MBNL1: variants seen among roughly 807,000 people sequenced by gnomAD.
MBNL1 encodes muscleblind like splicing regulator 1.
A neutral mutation model predicts 42.2 loss-of-function variants in MBNL1; 8 were observed. The ratio of observed to expected loss-of-function variants is 0.19; its 90% CI spans 0.11 to 0.34. The LOEUF (loss-of-function observed/expected upper bound fraction) is 0.34. Ranked by LOEUF, MBNL1 falls within the 10% of genes least tolerant of loss-of-function variation. MBNL1 has a pLI of 1.00. For synonymous variants in MBNL1, 169 were observed against 173.9 expected (o/e 0.97, Z 0.22); for missense variants, 309 against 495.3 (o/e 0.62, Z 3.57).
chr3:152,399,787 G>C (rs1366706957), intron 2 of MBNL1, among the ~76,000 whole-genome samples: 1 of 152,136 alleles, frequency 6.6e-6, no homozygotes, highest in Non-Finnish European at 1.5e-5. Context: ...ACAGGCATGA[G>C]CCACTGCACC....
chr3:152,306,830 C>T (rs2063399125), intron 2 of MBNL1, among the ~76,000 whole-genome samples: 1 of 152,076 alleles, frequency 6.6e-6, no homozygotes, highest in Non-Finnish European at 1.5e-5. Flanking sequence ...GAAGAGATAC[C>T]ACTTTTGAAG....
chr3:152,311,228 C>T (rs2152045188), intron 2 of MBNL1, among the ~76,000 whole-genome samples: 1 of 152,142 alleles, frequency 6.6e-6, no homozygotes, highest in African/African-American at 2.4e-5. Flanking sequence ...AGGCTGGTAT[C>T]AAACTCCTGA....
At chr3:152,264,919 T>C (rs926344596), upstream of MBNL1, 4 of 152,012 alleles carry the variant, frequency 2.6e-5, no homozygotes, top group Non-Finnish European at 5.9e-5. Context: ...ATATATCAAA[T>C]ATATACATAG....
intron 2 of MBNL1, among the ~76,000 whole-genome samples, chr3:152,312,342 G>A (rs2067226831): frequency 6.6e-6 from 1 of 152,176 alleles, no homozygotes; most frequent in Non-Finnish European, 1.5e-5. Flanking sequence ...CCAATAGCTA[G>A]TGTTATAAGT....
intron 2 of MBNL1, among the ~76,000 whole-genome samples, chr3:152,408,149 C>CA (rs1404614026): frequency 1.3e-5 from 2 of 151,756 alleles, no homozygotes; most frequent in Non-Finnish European, 2.9e-5. Flanking sequence ...GAACTTAAAA[C>CA]AAAAAACAAT....
intron 2 of MBNL1, among the ~76,000 whole-genome samples, chr3:152,408,342 A>AT (rs1308471168): frequency 6.6e-6 from 1 of 152,140 alleles, no homozygotes; most frequent in African/African-American, 2.4e-5. Flanking sequence ...TTTTCAAAGA[A>AT]AAAAATGAAT....
At chr3:152,304,146 A>G (rs139656323) in intron 2 of MBNL1, among the ~76,000 whole-genome samples, 2 of 152,256 alleles carry the variant, frequency 1.3e-5, no homozygotes, top group African/African-American at 4.8e-5. Context: ...AAGGCACACA[A>G]ATATATGTAC....
chr3:152,427,953 C>T (rs1400344703), intron 3 of MBNL1, among the ~76,000 whole-genome samples: 2 of 151,268 alleles, frequency 1.3e-5, no homozygotes, highest in African/African-American at 4.9e-5. Context: ...GCAAAACAAA[C>T]AGTGTTCACA....
chr3:152,343,942 A>C (rs901379553), intron 2 of MBNL1, among the ~76,000 whole-genome samples: 1 of 152,112 alleles, frequency 6.6e-6, no homozygotes, highest in Admixed American at 6.6e-5. Context: ...TTCCCTTATA[A>C]ATAAGTTATT....
At chr3:152,423,790 A>G (rs547810382) in intron 3 of MBNL1, among the ~76,000 whole-genome samples, 1 of 152,372 alleles carries the variant, frequency 6.6e-6, no homozygotes, top group South Asian at 2.1e-4. Context: ...ATGGAAATCA[A>G]TAAACATAAT....
chr3:152,460,541 C>T (rs1743617810), intron 9 of MBNL1, among the ~76,000 whole-genome samples: 2 of 150,528 alleles, frequency 1.3e-5, no homozygotes, highest in Non-Finnish European at 3.0e-5. Context: ...GTGCAGCGCA[C>T]CAGCATGGCA....
intron 2 of MBNL1, among the ~76,000 whole-genome samples, chr3:152,383,482 G>T (rs2097270790): frequency 6.6e-6 from 1 of 151,916 alleles, no homozygotes; most frequent in African/African-American, 2.4e-5. Context: ...TGAAAACCTT[G>T]GTTATAGAGA....
At chr3:152,389,582 T>C (rs972116017) in intron 2 of MBNL1, among the ~76,000 whole-genome samples, 1 of 152,192 alleles carries the variant, frequency 6.6e-6, no homozygotes, top group Non-Finnish European at 1.5e-5. Context: ...GTAACTGTAC[T>C]GAATACCAAG....
chr3:152,441,500 A>G (rs1407449491), intron 4 of MBNL1, among the ~76,000 whole-genome samples: 3 of 152,236 alleles, frequency 2.0e-5, no homozygotes, highest in East Asian at 3.9e-4. Flanking sequence ...TCCAAACCCT[A>G]TTGTCTGTCC....
chr3:152,318,127 A>T (rs2073455827), intron 2 of MBNL1, among the ~76,000 whole-genome samples: 1 of 152,194 alleles, frequency 6.6e-6, no homozygotes, highest in African/African-American at 2.4e-5. Flanking sequence ...TCAAGCAAGC[A>T]ATTTTCCAGA....
intron 2 of MBNL1, among the ~76,000 whole-genome samples, chr3:152,347,171 G>C (rs769821593): frequency 2.6e-5 from 4 of 152,010 alleles, no homozygotes; most frequent in Non-Finnish European, 4.4e-5. Flanking sequence ...TATAACAATA[G>C]AACAGCCAAC....
intron 2 of MBNL1, among the ~76,000 whole-genome samples, chr3:152,387,561 A>G (rs2097502542): frequency 6.6e-6 from 1 of 152,174 alleles, no homozygotes; most frequent in South Asian, 2.1e-4. Context: ...TCACTGTTGC[A>G]TAAATTCTGT....
chr3:152,414,196 G>A (rs906308213), intron 2 of MBNL1, among the ~76,000 whole-genome samples: 1 of 152,210 alleles, frequency 6.6e-6, no homozygotes, highest in Non-Finnish European at 1.5e-5. Context: ...GCCATTCCTG[G>A]CTTATAGCAA....
chr3:152,413,246 A>G (rs1052746473), intron 2 of MBNL1, among the ~76,000 whole-genome samples: 3 of 152,224 alleles, frequency 2.0e-5, no homozygotes, highest in African/African-American at 7.2e-5. Flanking sequence ...ACCAATAGCC[A>G]TAACTAAAAG....
Sources: allele counts gnomAD v4.1 joint callset (sites outside exome capture counted in the v4.1 genomes callset), GRCh38; gene constraint gnomAD v4.1.1; transcripts MANE v1.5; gene names NCBI Gene and HGNC (gene_info 2026-07-23, HGNC 2026-07-21).